Variants in ANKRD30BL observed in about 807,000 individuals in gnomAD.
The protein encoded by ANKRD30BL is putative ankyrin repeat domain-containing protein 30B-like.
Under a neutral mutation model 18.4 loss-of-function variants are expected in ANKRD30BL, and 20 were observed. The ratio of observed to expected loss-of-function variants is 1.09; its 90% CI spans 0.77 to 1.58. ANKRD30BL has a LOEUF of 1.58. Ranked by LOEUF, ANKRD30BL falls within the 40% of genes most tolerant of loss-of-function variation. The pLI is 0.00. For missense variants in ANKRD30BL, 224 were observed against 268.6 expected, an observed-to-expected ratio of 0.83 and a Z score of 1.16; for synonymous variants, 72 against 100.9, an observed-to-expected ratio of 0.71 and a Z score of 1.72.
intron 1 of ANKRD30BL, among the ~76,000 whole-genome samples, chr2:132,222,311 G>C (rs548743255): frequency 6.6e-6 from 1 of 152,088 alleles, no homozygotes; most frequent in Non-Finnish European, 1.5e-5. Context: ...CCCTCTGCCC[G>C]GCCATGACCC....
Position 132,161,938 on chromosome 2 carries a change from T to G in ANKRD30BL, c.-233A>C, listed in dbSNP as rs185566022. ...CACCTGAGCAGAACCTTTAGGCAGC[T>G]GAGCAGAACCGTTAGGCAACAGCGC... On this transcript the variant is annotated 5_prime_UTR_variant, in exon 1 of 6. Transcript: ENST00000409867. 1 of 521,506 alleles carries G rather than the reference T, an allele frequency of 1.9e-6. No individual in the cohort carries two copies. The highest frequency in any genetic ancestry group is 3.5e-6 in the Non-Finnish European group (1 of 288,982). The allele number at this position is 521,506 out of a possible 1,614,324, so 32.3% of individuals were successfully genotyped here.
intron 1 of ANKRD30BL, among the ~76,000 whole-genome samples, chr2:132,250,381 A>G (rs1680618991): frequency 6.6e-6 from 1 of 152,242 alleles, no homozygotes; most frequent in Non-Finnish European, 1.5e-5. Flanking sequence ...CCCTTTGCAG[A>G]TTGTACAACA....
At position 132,188,667 on chromosome 2, in the gene ANKRD30BL, G is replaced by A. The variant is rs182395827; in HGVS notation, n.442-31521C>T. Among the ~76,000 whole-genome samples the A allele has an allele frequency of 1.1e-4, 17 of 152,230 alleles. No homozygotes were observed. In the East Asian group the frequency reaches 2.7e-3, roughly 24 times the overall value. On this transcript the variant is annotated intron_variant and non_coding_transcript_variant, in intron 1 of 4. Transcript: ENST00000470729. ...GGAGCTTGTAGTGAGCCAAGATCACGCCACTGCACTCCAGCCTGGGTGATA... is the reference window on the plus strand; with the variant it reads ...GGAGCTTGTAGTGAGCCAAGATCACACCACTGCACTCCAGCCTGGGTGATA...
intron 1 of ANKRD30BL, among the ~76,000 whole-genome samples, chr2:132,159,322 T>TA (rs1687995846): frequency 6.6e-6 from 1 of 152,124 alleles, no homozygotes; most frequent in Non-Finnish European, 1.5e-5. Flanking sequence ...ATATGGTACT[T>TA]ACCACCAAAT....
intron 1 of ANKRD30BL, among the ~76,000 whole-genome samples, chr2:132,193,950 C>T (rs1287464939): frequency 2.6e-5 from 4 of 151,698 alleles, no homozygotes; most frequent in Admixed American, 1.3e-4. Flanking sequence ...ACAAGAAATA[C>T]GTCACCACTG....
chr2:132,212,242 G>A (rs1203837577), intron 1 of ANKRD30BL, among the ~76,000 whole-genome samples: 1 of 151,620 alleles, frequency 6.6e-6, no homozygotes, highest in East Asian at 1.9e-4. Flanking sequence ...TGGTGGAAAA[G>A]GGTCTGCAAG....
intron 1 of ANKRD30BL, among the ~76,000 whole-genome samples, chr2:132,232,989 G>A (rs901525612): frequency 3.3e-5 from 5 of 152,086 alleles, no homozygotes; most frequent in Admixed American, 1.3e-4. Context: ...CGGATCTCTT[G>A]GCAGAAACCC....
Position 132,181,202 on chromosome 2 carries a change from G to A in ANKRD30BL, n.442-24056C>T, listed in dbSNP as rs568462415. Among the ~76,000 whole-genome samples the A allele has an allele frequency of 3.3e-5, 5 of 152,136 alleles. No individual in the cohort carries two copies. In the South Asian group the frequency reaches 1.0e-3, roughly 32 times the overall value. On this transcript the variant is annotated intron_variant and non_coding_transcript_variant, in intron 1 of 4. Coordinates refer to the ANKRD30BL transcript ENST00000470729. ...ATGAGGGATAAATGGGGCCGGGCAT[G>A]GTGGCTGATGCCTGTAATCTCAGCA... is the stretch of plus-strand genomic sequence containing the variant.
rs562520587 is a variant in ANKRD30BL, at chr2:132,184,476, C to T, written n.442-27330G>A. Among the ~76,000 whole-genome samples, 782 of 152,260 alleles carry T rather than the reference C, an allele frequency of 5.1e-3. 13 individuals carry two copies. The highest frequency in any genetic ancestry group is 0.018 in the African/African-American group (736 of 41,542). ...GCATGGAATTTACAATTCACACATT[C>T]TTGTTATATTCAAATAATAAACTTT... is the stretch of plus-strand genomic sequence containing the variant. On this transcript the variant is annotated intron_variant and non_coding_transcript_variant, in intron 1 of 4. Transcript: ENST00000470729.
At chr2:132,196,135 C>T (rs569328209) in intron 1 of ANKRD30BL, among the ~76,000 whole-genome samples, 1 of 144,560 alleles carries the variant, frequency 6.9e-6, no homozygotes, top group East Asian at 2.0e-4. Context: ...GAGCTAGAGT[C>T]CATCTCAAAA....
chr2:132,204,055 G>C (rs1468442917), intron 1 of ANKRD30BL, among the ~76,000 whole-genome samples: 1 of 152,204 alleles, frequency 6.6e-6, no homozygotes, highest in African/African-American at 2.4e-5. Context: ...AAGTTATCTG[G>C]TGCTCCAGGA....
rs1345761762 is a variant in ANKRD30BL, at chr2:132,161,771, C to G, written c.-66G>C. On this transcript the variant is annotated 5_prime_UTR_variant, in exon 1 of 6. Coordinates refer to ENST00000409867, the MANE Select transcript of ANKRD30BL (RefSeq NM_001358416.1). Reference sequence around the variant, plus strand: ...GCTCGCCCTTCCCCAGTCCCCGCCGCTCGCCCTCGCCCTTCTTCAGTCCCT... The same window carrying G: ...GCTCGCCCTTCCCCAGTCCCCGCCGGTCGCCCTCGCCCTTCTTCAGTCCCT... The G allele has an allele frequency of 3.0e-5, 22 of 729,700 alleles. No individual in the cohort carries two copies. Among genetic ancestry groups the G allele is most frequent in the Non-Finnish European group, 4.7e-5 (20 of 422,454 alleles). 45.2% of individuals were successfully genotyped at this position (729,700 alleles called of 1,614,324 possible). A position where few individuals can be genotyped will look rare whatever the true frequency, so the allele number is the denominator to read the frequency against.
chr2:132,163,831 T>A (rs1464484776), upstream of ANKRD30BL, among the ~76,000 whole-genome samples: 3 of 152,204 alleles, frequency 2.0e-5, no homozygotes. Flanking sequence ...ACCCAAGAAT[T>A]GAAGACTTGA....
chr2:132,204,501 GTA>G (rs541101014), intron 1 of ANKRD30BL, among the ~76,000 whole-genome samples: 1 of 142,230 alleles, frequency 7.0e-6, no homozygotes. Flanking sequence ...TGTATATATA[GTA>G]TATATATATA....
intron 1 of ANKRD30BL, among the ~76,000 whole-genome samples, chr2:132,231,296 G>A (rs1339905066): frequency 2.6e-5 from 4 of 152,172 alleles, no homozygotes; most frequent in Admixed American, 2.0e-4. Flanking sequence ...GGACCGCTTT[G>A]AGGCCTTCAT....
chr2:132,237,279 A>C (rs1390754525), intron 1 of ANKRD30BL, among the ~76,000 whole-genome samples: 1 of 151,912 alleles, frequency 6.6e-6, no homozygotes, highest in Admixed American at 6.6e-5. Context: ...GAATAATAAT[A>C]ATAATAAAAA....
At chr2:132,171,486 T>C (rs549065519) in intron 1 of ANKRD30BL, among the ~76,000 whole-genome samples, 2 of 152,288 alleles carry the variant, frequency 1.3e-5, no homozygotes, top group African/African-American at 4.8e-5. Flanking sequence ...TCTGTTTCCA[T>C]GAAGGACATT....
At chr2:132,232,182 TG>T (rs920371060) in intron 1 of ANKRD30BL, among the ~76,000 whole-genome samples, 101 of 152,352 alleles carry the variant, frequency 6.6e-4, no homozygotes, top group African/African-American at 2.4e-3. Flanking sequence ...AAAACCCATC[TG>T]TACATCACCA....
chr2:132,169,726 G>A (rs1207389304), intron 1 of ANKRD30BL, among the ~76,000 whole-genome samples: 1 of 151,510 alleles, frequency 6.6e-6, no homozygotes, highest in Admixed American at 6.6e-5. Context: ...ACTGTAATAG[G>A]AAATTGCAGA....
Sources: allele counts gnomAD v4.1 joint callset (sites outside exome capture counted in the v4.1 genomes callset), GRCh38; gene constraint gnomAD v4.1.1; transcripts MANE v1.5; gene names NCBI Gene and HGNC (gene_info 2026-07-23, HGNC 2026-07-21).